Variants in MAPK8IP1 observed in about 807,000 individuals in gnomAD.
MAPK8IP1 encodes the protein mitogen-activated protein kinase 8 interacting protein 1.
MAPK8IP1 carries 17 observed loss-of-function variants against 72.6 expected under a neutral mutation model. The ratio of observed to expected loss-of-function variants is 0.23; its 90% CI spans 0.16 to 0.35. The LOEUF is 0.35. Ranked by LOEUF, MAPK8IP1 falls within the 10% of genes least tolerant of loss-of-function variation. The probability of loss-of-function intolerance (pLI) is 1.00; values close to 1 mark genes in which losing one functional copy is unlikely to be tolerated. For synonymous variants in MAPK8IP1, 401 were observed against 443.4 expected (o/e 0.90, Z 1.20); for missense variants, 789 against 1,009.7 (o/e 0.78, Z 2.96).
At chr11:45,896,929 T>C (rs779187280) in intron 1 of MAPK8IP1, 1 of 1,574,322 alleles carries the variant, frequency 6.4e-7, no homozygotes, top group Non-Finnish European at 8.6e-7. Flanking sequence ...GACAGCTGGT[T>C]GGAGGATCAA....
intron 1 of MAPK8IP1, 151 bp from the exon 2 acceptor site, chr11:45,897,934 C>A: frequency 1.6e-6 from 1 of 633,666 alleles, no homozygotes. Context: ...GCCTGCTGAC[C>A]ACCCCCTGCA....
intron 2 of MAPK8IP1, 55 bp downstream of exon 2, chr11:45,898,245 G>T (rs983895205): frequency 7.5e-5 from 90 of 1,201,992 alleles, no homozygotes; most frequent in Non-Finnish European, 8.5e-5. Flanking sequence ...GCTAGGGACA[G>T]GGGTAAGGGT....
intron 2 of MAPK8IP1, among the ~76,000 whole-genome samples, chr11:45,899,341 G>A (rs1369062954): frequency 6.6e-6 from 1 of 152,276 alleles, no homozygotes; most frequent in East Asian, 1.9e-4. Context: ...CTACTGGCCA[G>A]AGGTGTGCCC....
At chr11:45,899,001 A>T (rs994346289) in intron 2 of MAPK8IP1, among the ~76,000 whole-genome samples, 1 of 152,106 alleles carries the variant, frequency 6.6e-6, no homozygotes, top group Non-Finnish European at 1.5e-5. Flanking sequence ...GTGTCAGGAG[A>T]GTGGTTACCA....
intron 1 of MAPK8IP1, chr11:45,897,061 G>A: frequency 8.5e-7 from 1 of 1,171,712 alleles, no homozygotes; most frequent in Non-Finnish European, 1.2e-6. Flanking sequence ...GGCCTCCTAG[G>A]TTCCCCTGGG....
chr11:45,903,068 C>A lies in MAPK8IP1; in HGVS notation c.1301C>A (p.Ala434Asp). ...ESAIGEEYEE[A>D]PRPQPPACLS... ...GCCATCGGAGAGGAATATGAGGAGG[C>A]CCCGCGGCCCCAGCCCCCTGCCTGC... The change falls in exon 5 of 12, where the codon GCC becomes GAC. Residue 434 changes from alanine to aspartate, a missense_variant. Physicochemically the swap from Ala to Asp is moderately radical, Grantham distance 126 (BLOSUM62 -2). Around this residue, in one of 4 missense-constraint regions of MAPK8IP1, gnomAD observed 377 missense variants for 411.7 expected, o/e 0.92. Transcript: ENST00000241014. The surrounding 1 kb of genome is among the most constrained non-coding windows in gnomAD (Gnocchi z 6.4). The A allele has an allele frequency of 6.2e-7, 1 of 1,611,520 alleles. No individual in the cohort carries two copies. Among genetic ancestry groups the A allele is most frequent in the Non-Finnish European group, 8.5e-7 (1 of 1,179,918 alleles).
chr11:45,902,698 T>C lies in MAPK8IP1; in HGVS notation c.931T>C (p.Ser311Pro). Residue 311 changes from serine (S) to proline (P), a missense_variant, in exon 5 of 12, where the codon TCC becomes CCC. Coordinates refer to ENST00000241014, the MANE Select transcript of MAPK8IP1 (RefSeq NM_005456.4). This position sits in a 1 kb window ranked among gnomAD's most constrained non-coding sequence, Gnocchi z 9.3. ...CACTGAGAGCCGGATGTCAGTCAGC[T>C]CCGATCCAGACCCTGCCGCCTACCC... ...PPTESRMSVSSDPDPAAYPST... is the reference protein window; with the variant it reads ...PPTESRMSVSPDPDPAAYPST... 6.2e-7 allele frequency: 1 copy of C among 1,610,212 alleles called. No homozygotes were observed. The highest frequency in any genetic ancestry group is 1.7e-5 in the Admixed American group (1 of 59,992).
rs1425629810 is a variant in MAPK8IP1, at chr11:45,903,453, G to A, written c.1493+13G>A. 1 of 1,606,862 alleles carries A rather than the reference G, an allele frequency of 6.2e-7. No individual in the cohort carries two copies. The highest frequency in any genetic ancestry group is 1.7e-5 in the Admixed American group (1 of 59,560). ...GGGCCATATTCAGGTGAGAGCCATG[G>A]GCTGGCTGGGCCTAGCCAGGCAGCA... On this transcript the variant is annotated intron_variant, in intron 6 of 11. Transcript: ENST00000241014. This position sits in a 1 kb window ranked among gnomAD's most constrained non-coding sequence, Gnocchi z 6.4.
chr11:45,902,173 C>T lies in MAPK8IP1; in HGVS notation c.604+112C>T. ...GGGCTGAGTAGAGGTGAACTGCCCA[C>T]CCACATCCCTGCACGAGCCCATCCA... On this transcript the variant is annotated intron_variant, in intron 4 of 11. Transcript: ENST00000241014. The surrounding 1 kb of genome is among the most constrained non-coding windows in gnomAD (Gnocchi z 9.3). 1 of 1,081,552 alleles carries T rather than the reference C, an allele frequency of 9.2e-7. No homozygotes were observed. Among genetic ancestry groups the T allele is most frequent in the East Asian group, 2.4e-5 (1 of 42,384 alleles). 67.0% of individuals were successfully genotyped at this position (1,081,552 alleles called of 1,614,324 possible).
chr11:45,903,454 G>C lies in MAPK8IP1; in HGVS notation c.1493+14G>C, dbSNP rs1188382610. 1.9e-6 allele frequency: 3 copies of C among 1,606,770 alleles called. No individual in the cohort carries two copies. Among genetic ancestry groups the C allele is most frequent in the Admixed American group, 1.7e-5 (1 of 59,566 alleles). On this transcript the variant is annotated intron_variant, in intron 6 of 11. Coordinates refer to ENST00000241014, the MANE Select transcript of MAPK8IP1 (RefSeq NM_005456.4). This position sits in a 1 kb window ranked among gnomAD's most constrained non-coding sequence, Gnocchi z 6.4. Reference sequence around the variant, plus strand: ...GGCCATATTCAGGTGAGAGCCATGGGCTGGCTGGGCCTAGCCAGGCAGCAG... The same window carrying C: ...GGCCATATTCAGGTGAGAGCCATGGCCTGGCTGGGCCTAGCCAGGCAGCAG...
chr11:45,894,779 T>C (rs1381076747), intron 1 of MAPK8IP1, among the ~76,000 whole-genome samples: 1 of 152,182 alleles, frequency 6.6e-6, no homozygotes, highest in Non-Finnish European at 1.5e-5. Flanking sequence ...GATCACCTGC[T>C]GGGTACAGTA....
At chr11:45,897,934 C>T in intron 1 of MAPK8IP1, 151 bp from the exon 2 acceptor site, 1 of 633,668 alleles carries the variant, frequency 1.6e-6, no homozygotes, top group Non-Finnish European at 2.9e-6. Flanking sequence ...GCCTGCTGAC[C>T]ACCCCCTGCA....
At chr11:45,889,624 G>T (rs1194692314) in intron 1 of MAPK8IP1, among the ~76,000 whole-genome samples, 4 of 152,270 alleles carry the variant, frequency 2.6e-5, no homozygotes, top group South Asian at 4.1e-4. Flanking sequence ...TCTGGGGTGT[G>T]TAGAAGGGGA....
rs754151653 is a variant in MAPK8IP1, at chr11:45,902,894, A to G, written c.1127A>G (p.Tyr376Cys). The change falls in exon 5 of 12, where the codon TAT becomes TGT. Residue 376 changes from tyrosine to cysteine, a missense_variant. Tyr to Cys is a radical substitution (Grantham distance 194). Coordinates refer to ENST00000241014, the MANE Select transcript of MAPK8IP1 (RefSeq NM_005456.4). This position sits in a 1 kb window ranked among gnomAD's most constrained non-coding sequence, Gnocchi z 9.3. ...SLSSDTSALS[Y>C]DSVKYTLVVD... Reference sequence around the variant, plus strand: ...AGCTCGGACACCAGCGCCCTGTCCTATGACTCTGTCAAGTACACGCTGGTG... The same window carrying G: ...AGCTCGGACACCAGCGCCCTGTCCTGTGACTCTGTCAAGTACACGCTGGTG... The G allele has an allele frequency of 3.1e-6, 5 of 1,605,934 alleles. No homozygotes were observed. Among genetic ancestry groups the G allele is most frequent in the Non-Finnish European group, 3.4e-6 (4 of 1,176,686 alleles).
rs774367567 is a variant in MAPK8IP1, at chr11:45,905,231, C to T, written c.2045C>T (p.Ala682Val). Residue 682 changes from alanine to valine, a missense_variant, in exon 11 of 12, where the codon GCC becomes GTC. Ala to Val is a moderately conservative substitution (Grantham distance 64). This residue lies in a region of MAPK8IP1 where 188 missense variants were observed against 293.3 expected (regional missense o/e 0.64). Transcript: ENST00000241014. ...TTTGTGTCTGAAGACTCCACCAAAG[C>T]CCTGGCAGAGTCCGTGGGGTACGTG... ...HVFVSEDSTK[A>V]LAESVGRAFQ... The T allele has an allele frequency of 6.2e-7, 1 of 1,612,254 alleles. No individual in the cohort carries two copies. The highest frequency in any genetic ancestry group is 8.5e-7 in the Non-Finnish European group (1 of 1,179,994).
At chr11:45,892,076 G>C (rs2086571011) in intron 1 of MAPK8IP1, among the ~76,000 whole-genome samples, 1 of 152,224 alleles carries the variant, frequency 6.6e-6, no homozygotes. Context: ...TCTTTGGTTG[G>C]ATTCAGTTTT....
rs751792338 is a variant in MAPK8IP1 at position 45,903,156 on chromosome 11, C to A, written c.1389C>A (p.Val463=). The A allele has an allele frequency of 6.2e-7, 1 of 1,604,834 alleles. No individual in the cohort carries two copies. The highest frequency in any genetic ancestry group is 1.7e-5 in the Admixed American group (1 of 59,880). Residue 463 remains valine (V), a synonymous_variant, in exon 5 of 12, where the codon GTC becomes GTA. Coordinates refer to ENST00000241014, the MANE Select transcript of MAPK8IP1 (RefSeq NM_005456.4). The surrounding 1 kb of genome is among the most constrained non-coding windows in gnomAD (Gnocchi z 6.4). ...ATTTCTCCAAGAAATTCCTGAACGT[C>A]TTCATGAGTGGCCGCTCCCGCTCCT... is the stretch of plus-strand genomic sequence containing the variant. ...DVHFSKKFLN[V]FMSGRSRSSS...
At chr11:45,886,547 C>T (rs915860218) in intron 1 of MAPK8IP1, among the ~76,000 whole-genome samples, 1 of 152,284 alleles carries the variant, frequency 6.6e-6, no homozygotes, top group Middle Eastern at 3.4e-3. Flanking sequence ...GAAGTCGGCT[C>T]GGCTCTGGAG....
At chr11:45,891,500 A>G (rs972852612) in intron 1 of MAPK8IP1, among the ~76,000 whole-genome samples, 2 of 152,146 alleles carry the variant, frequency 1.3e-5, no homozygotes, top group African/African-American at 4.8e-5. Context: ...TGCCCAGGTG[A>G]GTATGATGAC....
Sources: allele counts gnomAD v4.1 joint callset (sites outside exome capture counted in the v4.1 genomes callset), GRCh38; gene constraint gnomAD v4.1.1; regional missense constraint gnomAD v4.1.1; non-coding constraint Gnocchi (gnomAD v3.1); transcripts MANE v1.5; gene names NCBI Gene and HGNC (gene_info 2026-07-23, HGNC 2026-07-21).